Variants in SENP6 observed in about 807,000 individuals in gnomAD.
SENP6 encodes the protein sentrin-specific protease 6.
Under a neutral mutation model 134.5 loss-of-function variants are expected in SENP6, and 41 were observed. The ratio of observed to expected loss-of-function variants is 0.30; its 90% CI spans 0.24 to 0.40. The LOEUF (loss-of-function observed/expected upper bound fraction) is 0.40. Ranked by LOEUF, SENP6 falls within the 10% of genes least tolerant of loss-of-function variation. The pLI is 1.00. For missense variants in SENP6, 1,248 were observed against 1,312.5 expected, an observed-to-expected ratio of 0.95 and a Z score of 0.76; for synonymous variants, 395 against 429.8, an observed-to-expected ratio of 0.92 and a Z score of 1.00.
intron 16 of SENP6, among the ~76,000 whole-genome samples, chr6:75,689,880 T>G (rs748059417): frequency 1.3e-5 from 2 of 150,694 alleles, no homozygotes; most frequent in Non-Finnish European, 2.9e-5. Flanking sequence ...AACCCCATTC[T>G]TAAGCACTGC....
At chr6:75,674,080 G>A (rs898926512) in intron 11 of SENP6, among the ~76,000 whole-genome samples, 1 of 150,016 alleles carries the variant, frequency 6.7e-6, no homozygotes, top group Non-Finnish European at 1.5e-5. Flanking sequence ...TTTTGCATCA[G>A]CTAACATTTT....
At position 75,702,988 on chromosome 6, in the gene SENP6, G is replaced by A; in HGVS notation, c.2632G>A (p.Glu878Lys). The part of the protein sequence containing the change: ...ASENEEFNKG[E>K]STSQKVADRT... Reference sequence around the variant, plus strand: ...TGAAAATGAAGAATTCAATAAAGGAGAATCTACATCCCAGAAAGTTGCTGA... The same window carrying A: ...TGAAAATGAAGAATTCAATAAAGGAAAATCTACATCCCAGAAAGTTGCTGA... Residue 878 changes from glutamate (E) to lysine (K), a missense_variant, in exon 19 of 24, where the codon GAA (glutamate) becomes AAA (lysine). Glu to Lys is a moderately conservative substitution (Grantham distance 56). Around this residue, in one of 3 missense-constraint regions of SENP6, gnomAD observed 386 missense variants for 395.0 expected, o/e 0.98. Transcript: ENST00000447266. 6.2e-7 allele frequency: 1 copy of A among 1,613,930 alleles called. No individual in the cohort carries two copies. The highest frequency in any genetic ancestry group is 8.5e-7 in the Non-Finnish European group (1 of 1,179,896).
chr6:75,692,957 G>C (rs1226176477), intron 16 of SENP6, among the ~76,000 whole-genome samples: 1 of 152,188 alleles, frequency 6.6e-6, no homozygotes, highest in Non-Finnish European at 1.5e-5. Flanking sequence ...TGTAGTTCCA[G>C]CTACTCTGGA....
At chr6:75,653,289 C>T (rs373236548) in intron 7 of SENP6, among the ~76,000 whole-genome samples, 3 of 152,318 alleles carry the variant, frequency 2.0e-5, no homozygotes, top group African/African-American at 7.2e-5. Context: ...CCTCGGCCTC[C>T]CAAAGTGGCG....
intron 1 of SENP6, among the ~76,000 whole-genome samples, chr6:75,614,278 T>G (rs957081140): frequency 4.6e-5 from 7 of 151,652 alleles, no homozygotes; most frequent in East Asian, 1.9e-4. Flanking sequence ...TTTTTTTTTT[T>G]TGTTTGAGAC....
At chr6:75,622,384 C>T (rs1768342903) in intron 2 of SENP6, among the ~76,000 whole-genome samples, 1 of 152,008 alleles carries the variant, frequency 6.6e-6, no homozygotes, top group Non-Finnish European at 1.5e-5. Context: ...ATGGTGAGAC[C>T]TCATCTCTAC....
intron 1 of SENP6, among the ~76,000 whole-genome samples, chr6:75,607,145 G>A (rs1019734592): frequency 2.6e-5 from 4 of 152,000 alleles, no homozygotes; most frequent in African/African-American, 9.7e-5. Flanking sequence ...CCCAGGAGTT[G>A]GAGACCAGCC....
Position 75,661,295 on chromosome 6 carries a change from T to C in SENP6, c.696+1888T>C, listed in dbSNP as rs77470159. On this transcript the variant is annotated intron_variant, in intron 8 of 23. Coordinates refer to ENST00000447266, the MANE Select transcript of SENP6 (RefSeq NM_015571.4). ...ATTTACCTGTTAGCTTAGTTTTTCT[T>C]TATGTGATAATGTCCTGCCATGCCA... 2.4e-3 allele frequency among the ~76,000 whole-genome samples: 373 copies of C among 152,332 alleles called. 3 individuals are homozygous for C. The highest frequency in any genetic ancestry group is 8.2e-3 in the African/African-American group (343 of 41,576).
chr6:75,621,632 A>G lies in SENP6; in HGVS notation c.146+7A>G. On this transcript the variant is annotated splice_region_variant and intron_variant, in intron 2 of 23. Transcript: ENST00000447266. The stretch of plus-strand genomic sequence containing the variant: ...AAGGAGATACAGATAAAGAGTAAGG[A>G]TTTTTTTTTCCCTCAGATGTTTTAT... 1 of 1,528,924 alleles carries G rather than the reference A, an allele frequency of 6.5e-7. No individual in the cohort carries two copies. Among genetic ancestry groups the G allele is most frequent in the Non-Finnish European group, 9.0e-7 (1 of 1,113,980 alleles). 94.7% of individuals were successfully genotyped at this position (1,528,924 alleles called of 1,614,324 possible). A position where few individuals can be genotyped will look rare whatever the true frequency, so the allele number is the denominator to read the frequency against.
At chr6:75,639,876 T>A (rs1561994673) in intron 5 of SENP6, among the ~76,000 whole-genome samples, 1 of 152,186 alleles carries the variant, frequency 6.6e-6, no homozygotes, top group Non-Finnish European at 1.5e-5. Flanking sequence ...GATATTAGGA[T>A]CAGTCTGGAA....
intron 16 of SENP6, among the ~76,000 whole-genome samples, chr6:75,686,844 C>A (rs1773877575): frequency 1.3e-5 from 2 of 152,292 alleles, no homozygotes; most frequent in South Asian, 4.1e-4. Context: ...TCCTTCATTT[C>A]AACCTTGGGG....
chr6:75,713,625 T>C (rs1206834095), intron 22 of SENP6, 44 bp downstream of exon 22: 2 of 1,592,412 alleles, frequency 1.3e-6, no homozygotes, highest in Non-Finnish European at 1.7e-6. Flanking sequence ...GATGAAGAAC[T>C]ATGTATATTT....
intron 5 of SENP6, among the ~76,000 whole-genome samples, chr6:75,638,757 A>G (rs1362184389): frequency 6.7e-6 from 1 of 149,150 alleles, no homozygotes; most frequent in Non-Finnish European, 1.5e-5. Context: ...TGTACAGGTG[A>G]GTATAAAAAA....
At chr6:75,702,064 CAAG>C (rs67313187) in intron 18 of SENP6, among the ~76,000 whole-genome samples, 46,639 of 151,568 alleles carry the variant, frequency 0.31, 7,781 homozygotes, top group African/African-American at 0.44. Flanking sequence ...ATTCCAAAAA[CAAG>C]AAAGCGTTCA....
intron 1 of SENP6, among the ~76,000 whole-genome samples, chr6:75,608,783 A>G (rs567549488): frequency 3.2e-4 from 49 of 152,320 alleles, no homozygotes; most frequent in Middle Eastern, 3.4e-3. Context: ...TTGAGGAAAT[A>G]TATATTACTT....
At chr6:75,622,248 G>A (rs1294068995) in intron 2 of SENP6, among the ~76,000 whole-genome samples, 1 of 152,180 alleles carries the variant, frequency 6.6e-6, no homozygotes, top group Non-Finnish European at 1.5e-5. Context: ...CATGAGATTT[G>A]TTTTTAAAGT....
chr6:75,646,129 A>G (rs1770417432), intron 6 of SENP6, among the ~76,000 whole-genome samples: 2 of 152,236 alleles, frequency 1.3e-5, no homozygotes, highest in Admixed American at 6.5e-5. Flanking sequence ...ACTATATTAT[A>G]TTCTCTTTAG....
At chr6:75,675,051 T>C (rs888433123) in intron 11 of SENP6, among the ~76,000 whole-genome samples, 2 of 152,216 alleles carry the variant, frequency 1.3e-5, no homozygotes, top group Non-Finnish European at 2.9e-5. Flanking sequence ...TACCATGTTG[T>C]AACCACCAGT....
intron 7 of SENP6, among the ~76,000 whole-genome samples, chr6:75,651,122 T>C (rs932910960): frequency 6.6e-6 from 1 of 152,256 alleles, no homozygotes; most frequent in South Asian, 2.1e-4. Context: ...GCTTTAAAAA[T>C]TTTTTCTAAA....
Sources: gnomAD v4.1 joint callset for allele counts (sites outside exome capture counted in the v4.1 genomes callset) on GRCh38, gnomAD v4.1.1 for gene constraint, gnomAD v4.1.1 regional missense constraint, MANE v1.5 for transcripts, NCBI Gene and HGNC (gene_info 2026-07-23, HGNC 2026-07-21) for gene names.